Variants in ANKDD1B observed in about 807,000 individuals in gnomAD.
The protein encoded by ANKDD1B is ankyrin repeat and death domain containing 1B.
In ANKDD1B, 57 loss-of-function variants were observed where a neutral mutation model predicts 59.7. The ratio of observed to expected loss-of-function variants is 0.95; its 90% CI spans 0.77 to 1.19. The LOEUF is 1.19. Ranked by LOEUF, ANKDD1B falls within the 50% of genes most tolerant of loss-of-function variation. The probability of loss-of-function intolerance (pLI) is 0.00; values close to 1 mark genes in which losing one functional copy is unlikely to be tolerated. For missense variants in ANKDD1B, 602 were observed against 641.9 expected, an observed-to-expected ratio of 0.94 and a Z score of 0.67; for synonymous variants, 216 against 239.5, an observed-to-expected ratio of 0.90 and a Z score of 0.91.
chr5:75,611,748 G>C lies in ANKDD1B; in HGVS notation c.114G>C (p.Leu38=). Residue 38 remains leucine, a synonymous_variant, in exon 1 of 14, where the codon CTG becomes CTC. Transcript: ENST00000601380. ...AAGACCTGTGGGGCGCGGCCGCCCT[G>C]CCTTGGAGGAGCCTGTCCCGGATCC... ...LREDLWGAAA[L]PWRSLSRIPK... 1 of 1,232,050 alleles carries C rather than the reference G, an allele frequency of 8.1e-7. No individual in the cohort carries two copies. Among genetic ancestry groups the C allele is most frequent in the Non-Finnish European group, 1.0e-6 (1 of 988,116 alleles). 76.3% of individuals were successfully genotyped at this position (1,232,050 alleles called of 1,614,324 possible). A position where few individuals can be genotyped will look rare whatever the true frequency, so the allele number is the denominator to read the frequency against.
chr5:75,615,358 G>A (rs1449181417), intron 1 of ANKDD1B, among the ~76,000 whole-genome samples: 57 of 152,196 alleles, frequency 3.7e-4, no homozygotes, highest in Admixed American at 3.7e-3. Context: ...AGGGAACTAA[G>A]AGGCCAAGGT....
At chr5:75,611,860 G>A (rs762472973) in intron 1 of ANKDD1B, 33 bp downstream of exon 1, 25 of 1,230,242 alleles carry the variant, frequency 2.0e-5, no homozygotes, top group Non-Finnish European at 2.5e-5. Context: ...AGAAAATCAG[G>A]CTGCGGGGCG....
At chr5:75,621,767 T>G (rs141032948) in intron 3 of ANKDD1B, among the ~76,000 whole-genome samples, 17 of 152,326 alleles carry the variant, frequency 1.1e-4, no homozygotes, top group African/African-American at 3.6e-4. Flanking sequence ...TGCAAATCAA[T>G]TATTCCTGAA....
intron 3 of ANKDD1B, among the ~76,000 whole-genome samples, chr5:75,621,846 G>A (rs1408252513): frequency 6.6e-6 from 1 of 152,104 alleles, no homozygotes; most frequent in Non-Finnish European, 1.5e-5. Context: ...GTATTACCTT[G>A]TCTCTGAAGC....
rs1773556102 is a variant in ANKDD1B, at chr5:75,611,622, C to G, written c.-13C>G. The G allele has an allele frequency of 1.6e-6, 2 of 1,230,848 alleles. No homozygotes were observed. The highest frequency in any genetic ancestry group is 3.2e-5 in the East Asian group (1 of 31,614). 76.2% of individuals were successfully genotyped at this position (1,230,848 alleles called of 1,614,324 possible). On this transcript the variant is annotated 5_prime_UTR_variant, in exon 1 of 14. Coordinates refer to ENST00000601380, the MANE Select transcript of ANKDD1B (RefSeq NM_001276713.2). Reference sequence around the variant, plus strand: ...TGGGTCTGGCCCTGCGCTCAGGGCCCGCGGAGGAGACTATGGACCCCGCCG... The same window carrying G: ...TGGGTCTGGCCCTGCGCTCAGGGCCGGCGGAGGAGACTATGGACCCCGCCG...
intron 9 of ANKDD1B, among the ~76,000 whole-genome samples, chr5:75,658,515 A>C (rs1394186921): frequency 6.6e-6 from 1 of 152,268 alleles, no homozygotes; most frequent in Non-Finnish European, 1.5e-5. Context: ...TTACTCCAGA[A>C]GGAAATTTGA....
At chr5:75,616,535 G>A (rs1043247678) in intron 1 of ANKDD1B, among the ~76,000 whole-genome samples, 2 of 152,138 alleles carry the variant, frequency 1.3e-5, no homozygotes, top group African/African-American at 2.4e-5. Context: ...CAGATACCAG[G>A]TTACTGACTT....
rs547968421 is a variant in ANKDD1B, at chr5:75,639,173, G to T, written c.798+3291G>T. Among the ~76,000 whole-genome samples, 4 of 152,206 alleles carry T rather than the reference G, an allele frequency of 2.6e-5. No individual in the cohort carries two copies. The South Asian group carries it at 8.3e-4, about 32-fold the overall frequency. ...TGGAAAAATGAGAAGAAAGATTATG[G>T]GGAGAAATGCCTTTTCTGTTTGTTT... On this transcript the variant is annotated intron_variant, in intron 7 of 13. Coordinates refer to ENST00000601380, the MANE Select transcript of ANKDD1B (RefSeq NM_001276713.2).
intron 5 of ANKDD1B, 91 bp downstream of exon 5, chr5:75,626,046 CACAG>C: frequency 1.1e-6 from 1 of 934,116 alleles, no homozygotes. Context: ...AAGCAGCCAG[CACAG>C]ACAGACCCGG....
chr5:75,667,787 G>C (rs1032774185), intron 12 of ANKDD1B, among the ~76,000 whole-genome samples: 2 of 152,176 alleles, frequency 1.3e-5, no homozygotes, highest in Admixed American at 6.5e-5. Context: ...GACATCCTAA[G>C]ACGAGAAGGT....
At chr5:75,641,264 G>A (rs946831056) in intron 7 of ANKDD1B, among the ~76,000 whole-genome samples, 4 of 151,884 alleles carry the variant, frequency 2.6e-5, no homozygotes, top group Non-Finnish European at 5.9e-5. Flanking sequence ...CAATAGCAGT[G>A]CAAGGATTCA....
At chr5:75,660,542 C>A (rs990775920) in intron 10 of ANKDD1B, among the ~76,000 whole-genome samples, 4 of 152,196 alleles carry the variant, frequency 2.6e-5, no homozygotes, top group African/African-American at 9.7e-5. Context: ...ATTGTGTAAA[C>A]CTGTTTTTAA....
At chr5:75,660,919 C>T (rs1775119634) in intron 10 of ANKDD1B, among the ~76,000 whole-genome samples, 1 of 152,140 alleles carries the variant, frequency 6.6e-6, no homozygotes, top group Non-Finnish European at 1.5e-5. Flanking sequence ...CTTATTTTTA[C>T]CCAACAGTTC....
At chr5:75,644,163 T>C (rs201587471) in intron 7 of ANKDD1B, among the ~76,000 whole-genome samples, 1,027 of 92,120 alleles carry the variant, frequency 0.011, 14 homozygotes, top group Middle Eastern at 0.022. Context: ...GTAAAGACCA[T>C]CGAGACTAGG....
chr5:75,616,426 T>C (rs182703402), intron 1 of ANKDD1B, among the ~76,000 whole-genome samples: 1 of 152,338 alleles, frequency 6.6e-6, no homozygotes, highest in East Asian at 1.9e-4. Flanking sequence ...CTCTGTAAGC[T>C]GTAGGAGCAT....
At chr5:75,631,826 C>T (rs1383027389) in intron 5 of ANKDD1B, among the ~76,000 whole-genome samples, 1 of 152,126 alleles carries the variant, frequency 6.6e-6, no homozygotes, top group Non-Finnish European at 1.5e-5. Flanking sequence ...CACTGGTGGG[C>T]TAGGCGCGGT....
chr5:75,640,745 G>A (rs1310749469), intron 7 of ANKDD1B, among the ~76,000 whole-genome samples: 5 of 152,202 alleles, frequency 3.3e-5, no homozygotes, highest in African/African-American at 1.2e-4. Flanking sequence ...GTGGGAAGGA[G>A]ACTTAAAATG....
intron 11 of ANKDD1B, among the ~76,000 whole-genome samples, chr5:75,666,271 T>G (rs1261126307): frequency 6.6e-6 from 1 of 152,160 alleles, no homozygotes; most frequent in Non-Finnish European, 1.5e-5. Context: ...CTTAGTCACC[T>G]CTTCCCCAAG....
chr5:75,640,788 C>T (rs1468994107), intron 7 of ANKDD1B, among the ~76,000 whole-genome samples: 2 of 152,248 alleles, frequency 1.3e-5, no homozygotes, highest in South Asian at 2.1e-4. Context: ...CATTGATCCA[C>T]TCACTGGTAC....
Sources: gnomAD v4.1 joint callset for allele counts (sites outside exome capture counted in the v4.1 genomes callset) on GRCh38, gnomAD v4.1.1 for gene constraint, MANE v1.5 for transcripts, NCBI Gene and HGNC (gene_info 2026-07-23, HGNC 2026-07-21) for gene names.